RIMS1: variants seen among roughly 807,000 people sequenced by gnomAD.
RIMS1 encodes regulating synaptic membrane exocytosis 1.
Under a neutral mutation model 214.1 loss-of-function variants are expected in RIMS1, and 83 were observed. The observed-to-expected ratio is 0.39, with a 90% confidence interval of 0.32 to 0.47. The LOEUF is 0.47. Among genes scored for constraint, RIMS1 ranks in the 20% least tolerant of loss-of-function variants. The probability of loss-of-function intolerance (pLI) is 0.99; values close to 1 mark genes in which losing one functional copy is unlikely to be tolerated. For synonymous variants in RIMS1, 793 were observed against 786.8 expected, an observed-to-expected ratio of 1.01 and a Z score of -0.13; for missense variants, 2,050 against 2,161.8, an observed-to-expected ratio of 0.95 and a Z score of 1.03.
intron 31 of RIMS1, 89 bp from the exon 32 acceptor site, chr6:72,398,160 T>C: frequency 1.4e-6 from 1 of 718,020 alleles, no homozygotes; most frequent in Non-Finnish European, 2.4e-6. Context: ...AAGATAAAAA[T>C]CTGTAGTCTG....
intron 11 of RIMS1, among the ~76,000 whole-genome samples, chr6:72,247,488 T>C (rs1419711114): frequency 7.3e-6 from 1 of 137,924 alleles, no homozygotes; most frequent in East Asian, 2.1e-4. Context: ...TGAGCCAAGA[T>C]CATGCCATTG....
intron 4 of RIMS1, among the ~76,000 whole-genome samples, chr6:72,150,395 G>A (rs1173557969): frequency 1.3e-5 from 2 of 152,090 alleles, no homozygotes; most frequent in African/African-American, 2.4e-5. Context: ...CTGTCTTTTG[G>A]CTTGAAGGTG....
chr6:72,066,676 T>C (rs1002460009), intron 2 of RIMS1, among the ~76,000 whole-genome samples: 1 of 152,206 alleles, frequency 6.6e-6, no homozygotes, highest in South Asian at 2.1e-4. Context: ...AAGACTTACA[T>C]GTGTATCTCT....
chr6:72,130,674 G>T (rs967272721), intron 4 of RIMS1, among the ~76,000 whole-genome samples: 1 of 152,018 alleles, frequency 6.6e-6, no homozygotes, highest in Non-Finnish European at 1.5e-5. Flanking sequence ...ACATTGCTTT[G>T]AAATATATTT....
chr6:72,220,954 T>C (rs1452051024), intron 6 of RIMS1, among the ~76,000 whole-genome samples: 1 of 152,072 alleles, frequency 6.6e-6, no homozygotes, highest in Non-Finnish European at 1.5e-5. Context: ...AATTAAGACA[T>C]AAAAGTGATG....
chr6:71,979,337 T>C (rs1797916977), intron 2 of RIMS1, among the ~76,000 whole-genome samples: 1 of 152,046 alleles, frequency 6.6e-6, no homozygotes, highest in Non-Finnish European at 1.5e-5. Context: ...TTGATGATGC[T>C]TGTACTTGGC....
chr6:72,109,521 G>A (rs1187206427), intron 4 of RIMS1, among the ~76,000 whole-genome samples: 2 of 151,896 alleles, frequency 1.3e-5, no homozygotes, highest in African/African-American at 4.8e-5. Context: ...GTCTGTTCAT[G>A]TCCTTCGCCC....
Position 71,986,109 on chromosome 6 carries a change from C to T in RIMS1, c.245+17046C>T, listed in dbSNP as rs188176140. 3.5e-4 allele frequency among the ~76,000 whole-genome samples: 53 copies of T among 150,668 alleles called. No homozygotes were observed. In the East Asian group the frequency reaches 4.7e-3, roughly 13 times the overall value. ...ATGTCTTATTCAATACTTGGGCATACGTATACTGAAAAATTATTTGTTGTA... is the reference window on the plus strand; with the variant it reads ...ATGTCTTATTCAATACTTGGGCATATGTATACTGAAAAATTATTTGTTGTA... On this transcript the variant is annotated intron_variant, in intron 2 of 33. Coordinates refer to ENST00000521978, the MANE Select transcript of RIMS1 (RefSeq NM_014989.7).
chr6:71,959,427 T>C (rs1192188531), intron 1 of RIMS1, among the ~76,000 whole-genome samples: 1 of 152,106 alleles, frequency 6.6e-6, no homozygotes, highest in Non-Finnish European at 1.5e-5. Flanking sequence ...GGAAAATGAA[T>C]GCTTTGTGGG....
At chr6:71,890,541 C>T (rs1179976322) in intron 1 of RIMS1, among the ~76,000 whole-genome samples, 1 of 121,990 alleles carries the variant, frequency 8.2e-6, no homozygotes, top group African/African-American at 3.2e-5. Context: ...GAGAAGATCT[C>T]ATTAGATCTA....
intron 4 of RIMS1, chr6:72,175,325 T>C: frequency 2.7e-6 from 1 of 363,846 alleles, no homozygotes; most frequent in Non-Finnish European, 5.4e-6. Flanking sequence ...ATTCTTTATA[T>C]TATAATACTA....
At chr6:72,015,770 C>CA (rs1285390417) in intron 2 of RIMS1, among the ~76,000 whole-genome samples, 1 of 151,742 alleles carries the variant, frequency 6.6e-6, no homozygotes, top group Admixed American at 6.6e-5. Context: ...ACTAAAAATA[C>CA]AAAAAATTAG....
At chr6:71,902,444 C>T (rs1773935325) in intron 1 of RIMS1, among the ~76,000 whole-genome samples, 1 of 152,052 alleles carries the variant, frequency 6.6e-6, no homozygotes, top group Admixed American at 6.6e-5. Flanking sequence ...CCATGAGACA[C>T]AAAAAGAAGA....
At chr6:72,068,558 T>C (rs1189867601) in intron 2 of RIMS1, among the ~76,000 whole-genome samples, 1 of 151,784 alleles carries the variant, frequency 6.6e-6, no homozygotes, top group African/African-American at 2.4e-5. Context: ...TATGAGAAGA[T>C]TGAAAGGAGA....
intron 6 of RIMS1, among the ~76,000 whole-genome samples, chr6:72,202,980 T>G (rs2052288319): frequency 6.6e-6 from 1 of 152,156 alleles, no homozygotes; most frequent in Non-Finnish European, 1.5e-5. Context: ...AAATATTCTT[T>G]CTTTCTTTTT....
chr6:72,166,684 T>C (rs1195984441), intron 4 of RIMS1, among the ~76,000 whole-genome samples: 1 of 150,418 alleles, frequency 6.6e-6, no homozygotes, highest in Admixed American at 6.7e-5. Flanking sequence ...GAGACCAGCT[T>C]AGGCAGCGTA....
At chr6:72,278,946 A>G (rs1180512926) in intron 23 of RIMS1, among the ~76,000 whole-genome samples, 1 of 152,086 alleles carries the variant, frequency 6.6e-6, no homozygotes, top group Non-Finnish European at 1.5e-5. Flanking sequence ...ACATATTCTT[A>G]TGATATCAGT....
At chr6:72,389,738 C>CT (rs1244949754) in intron 29 of RIMS1, among the ~76,000 whole-genome samples, 3 of 152,144 alleles carry the variant, frequency 2.0e-5, no homozygotes, top group African/African-American at 7.2e-5. Context: ...GGAATAAAGT[C>CT]TAACAGTTTT....
chr6:72,272,574 T>C (rs1368024832), intron 22 of RIMS1, among the ~76,000 whole-genome samples: 1 of 152,190 alleles, frequency 6.6e-6, no homozygotes, highest in Non-Finnish European at 1.5e-5. Context: ...TTTCTAAATG[T>C]ACATCTTTCT....
Sources: allele counts gnomAD v4.1 joint callset (sites outside exome capture counted in the v4.1 genomes callset), GRCh38; gene constraint gnomAD v4.1.1; transcripts MANE v1.5; gene names NCBI Gene and HGNC (gene_info 2026-07-23, HGNC 2026-07-21).